ABI1: variants seen among roughly 807,000 people sequenced by gnomAD.
ABI1 encodes Abelson interactor 1.
In ABI1, 14 loss-of-function variants were observed where a neutral mutation model predicts 54.6. The observed-to-expected ratio is 0.26, with a 90% CI of 0.17 to 0.40. The LOEUF is 0.40. Among genes scored for constraint, ABI1 ranks in the 10% least tolerant of loss-of-function variants. The probability of loss-of-function intolerance (pLI) is 1.00; values close to 1 mark genes in which losing one functional copy is unlikely to be tolerated. For synonymous variants in ABI1, 194 were observed against 209.3 expected, an observed-to-expected ratio of 0.93 and a Z score of 0.63; for missense variants, 443 against 598.3, an observed-to-expected ratio of 0.74 and a Z score of 2.71.
intron 2 of ABI1, among the ~76,000 whole-genome samples, chr10:26,803,432 G>C (rs1219905541): frequency 6.6e-6 from 1 of 152,148 alleles, no homozygotes; most frequent in Non-Finnish European, 1.5e-5. Flanking sequence ...CTATTTCTTG[G>C]TTAAATAGCT....
intron 1 of ABI1, among the ~76,000 whole-genome samples, chr10:26,827,038 C>G (rs1204406933): frequency 2.6e-5 from 4 of 151,874 alleles, no homozygotes; most frequent in Non-Finnish European, 5.9e-5. Context: ...CTCAGCCTCC[C>G]AAGTAGCTGG....
At chr10:26,808,701 T>C (rs971334043) in intron 2 of ABI1, among the ~76,000 whole-genome samples, 2 of 150,544 alleles carry the variant, frequency 1.3e-5, no homozygotes, top group Admixed American at 1.3e-4. Context: ...CCAGCCTGGG[T>C]GACAAAATGA....
chr10:26,789,966 T>C (rs890634778), intron 2 of ABI1, among the ~76,000 whole-genome samples: 1 of 152,214 alleles, frequency 6.6e-6, no homozygotes, highest in African/African-American at 2.4e-5. Context: ...GATCTCATTC[T>C]TTTTTGATGG....
intron 1 of ABI1, among the ~76,000 whole-genome samples, chr10:26,826,568 G>A (rs2048317232): frequency 6.6e-6 from 1 of 152,208 alleles, no homozygotes; most frequent in South Asian, 2.1e-4. Context: ...GGCCAGGCAT[G>A]GGCTTCTCCT....
intron 2 of ABI1, among the ~76,000 whole-genome samples, chr10:26,788,422 CTTAT>C (rs1842972515): frequency 6.6e-6 from 1 of 152,134 alleles, no homozygotes; most frequent in Admixed American, 6.5e-5. Flanking sequence ...AAATCTGAAT[CTTAT>C]TTATCAAACT....
At chr10:26,759,615 G>C (rs1175955902) in intron 7 of ABI1, among the ~76,000 whole-genome samples, 1 of 152,068 alleles carries the variant, frequency 6.6e-6, no homozygotes, top group African/African-American at 2.4e-5. Context: ...TGTGAGGTAG[G>C]AAGCATCAGT....
chr10:26,758,730 AT>A (rs2132523045), intron 8 of ABI1, among the ~76,000 whole-genome samples: 1 of 152,354 alleles, frequency 6.6e-6, no homozygotes, highest in African/African-American at 2.4e-5. Flanking sequence ...AAACATGCCA[AT>A]AAATTCAGTT....
intron 2 of ABI1, among the ~76,000 whole-genome samples, chr10:26,819,645 C>T (rs761665977): frequency 2.7e-4 from 41 of 152,130 alleles, no homozygotes; most frequent in Non-Finnish European, 5.6e-4. Context: ...GCACACAAAA[C>T]ATTTACCAAG....
intron 1 of ABI1, among the ~76,000 whole-genome samples, chr10:26,836,438 G>A (rs978709547): frequency 6.6e-6 from 1 of 152,134 alleles, no homozygotes; most frequent in South Asian, 2.1e-4. Flanking sequence ...AGTGGAAACC[G>A]ACAACATGTA....
intron 1 of ABI1, among the ~76,000 whole-genome samples, chr10:26,826,910 ATT>A (rs142627888): frequency 2.1e-4 from 30 of 144,384 alleles, no homozygotes; most frequent in African/African-American, 2.3e-4. Flanking sequence ...GGCTAGTTTG[ATT>A]TTTTTTTTTT....
At chr10:26,813,511 C>T (rs560800025) in intron 2 of ABI1, among the ~76,000 whole-genome samples, 25 of 152,238 alleles carry the variant, frequency 1.6e-4, no homozygotes, top group Non-Finnish European at 2.4e-4. Flanking sequence ...ATATAATATT[C>T]GCAATACATA....
At chr10:26,784,127 T>A (rs1842456487) in intron 2 of ABI1, among the ~76,000 whole-genome samples, 1 of 152,236 alleles carries the variant, frequency 6.6e-6, no homozygotes, top group Admixed American at 6.5e-5. Flanking sequence ...CAAAGGACAT[T>A]TCTCTGCAAA....
intron 2 of ABI1, among the ~76,000 whole-genome samples, chr10:26,790,019 T>C (rs909079214): frequency 5.3e-5 from 8 of 152,266 alleles, no homozygotes; most frequent in Admixed American, 3.3e-4. Context: ...ACATTTTCTT[T>C]ATCCAGTCTA....
intron 2 of ABI1, among the ~76,000 whole-genome samples, chr10:26,813,536 A>G (rs1356814868): frequency 1.3e-5 from 2 of 152,200 alleles, no homozygotes; most frequent in East Asian, 3.8e-4. Flanking sequence ...ATAGGAACTA[A>G]ACTGTAATAA....
chr10:26,833,096 C>T (rs77364978), intron 1 of ABI1, among the ~76,000 whole-genome samples: 1,786 of 152,282 alleles, frequency 0.012, 10 homozygotes, highest in Non-Finnish European at 0.018. Context: ...TCCCTACCAC[C>T]TCCCACTTAA....
chr10:26,751,807 T>G, intron 9 of ABI1, 24 bp from the exon 10 acceptor site: 1 of 1,572,856 alleles, frequency 6.4e-7, no homozygotes, highest in Non-Finnish European at 8.6e-7. Flanking sequence ...TATGATTGAT[T>G]TGAATCAAAA....
chr10:26,844,862 T>C (rs1016685398), intron 1 of ABI1, among the ~76,000 whole-genome samples: 3 of 152,252 alleles, frequency 2.0e-5, no homozygotes, highest in South Asian at 2.1e-4. Flanking sequence ...TTACTACAGC[T>C]ATCTCAATTC....
At position 26,794,186 on chromosome 10, in the gene ABI1, T is replaced by C. The variant is rs146212450; in HGVS notation, c.286-16945A>G. 1.9e-3 allele frequency among the ~76,000 whole-genome samples: 295 copies of C among 152,154 alleles called. 2 individuals carry two copies. The highest frequency in any genetic ancestry group is 6.7e-3 in the African/African-American group (280 of 41,512). ...TGAACCCAGGATGCAGAGGTTGCAT[T>C]GAGCCAAGATCGTGCCACTGTACTC... is the stretch of plus-strand genomic sequence containing the variant. On this transcript the variant is annotated intron_variant, in intron 2 of 10. Transcript: ENST00000376140.
intron 2 of ABI1, among the ~76,000 whole-genome samples, chr10:26,809,248 C>A (rs1339295289): frequency 6.7e-6 from 1 of 149,466 alleles, no homozygotes; most frequent in African/African-American, 2.5e-5. Context: ...CCAGACTGGG[C>A]GACAGAGTGA....
Sources: gnomAD v4.1 joint callset for allele counts (sites outside exome capture counted in the v4.1 genomes callset) on GRCh38, gnomAD v4.1.1 for gene constraint, MANE v1.5 for transcripts, NCBI Gene and HGNC (gene_info 2026-07-23, HGNC 2026-07-21) for gene names.